The following SV2C variants were observed in gnomAD, a reference collection of about 807,000 sequenced individuals.
SV2C encodes the protein solute carrier family 22 member B3.
In SV2C, 49 loss-of-function variants were observed where a neutral mutation model predicts 79.7. That is an observed-to-expected ratio of 0.61 (90% CI 0.49 to 0.78). The LOEUF (loss-of-function observed/expected upper bound fraction) is 0.78, where lower values mean the gene tolerates loss of function less well. Ranked by LOEUF, SV2C falls within the 30% of genes least tolerant of loss-of-function variation. The pLI is 0.00. For missense variants in SV2C, 833 were observed against 912.9 expected, an observed-to-expected ratio of 0.91 and a Z score of 1.13; for synonymous variants, 334 against 333.2, an observed-to-expected ratio of 1.00 and a Z score of -0.03.
At chr5:75,876,551 G>A in the SV2C span, among the ~76,000 whole-genome samples, 1 of 151,980 alleles carries the variant, frequency 6.6e-6, no homozygotes, top group African/African-American at 2.4e-5. Flanking sequence ...AAACCTTCAC[G>A]TGTACCCTCA....
intron 2 of SV2C, among the ~76,000 whole-genome samples, chr5:76,168,504 G>GA (rs1743111005): frequency 6.6e-6 from 1 of 152,086 alleles, no homozygotes; most frequent in Non-Finnish European, 1.5e-5. Flanking sequence ...ATAAAATTCT[G>GA]AATCTCCTTT....
chr5:75,991,723 T>C, the SV2C span, among the ~76,000 whole-genome samples: 1 of 151,144 alleles, frequency 6.6e-6, no homozygotes, highest in African/African-American at 2.4e-5. Context: ...TGCAAAACCA[T>C]CAATTAATCT....
At chr5:76,293,312 A>T (rs1747623934) in intron 8 of SV2C, among the ~76,000 whole-genome samples, 1 of 152,206 alleles carries the variant, frequency 6.6e-6, no homozygotes, top group Admixed American at 6.5e-5. Context: ...GCAAGAAGGA[A>T]GTCCTGCTGT....
intron 2 of SV2C, among the ~76,000 whole-genome samples, chr5:76,156,239 T>C (rs985929927): frequency 1.2e-4 from 18 of 152,056 alleles, no homozygotes; most frequent in Admixed American, 5.9e-4. Flanking sequence ...GGGAAAGAGA[T>C]AGTGAAACAG....
chr5:76,311,078 T>G (rs1047249590), intron 12 of SV2C: 1 of 152,232 alleles, frequency 6.6e-6, no homozygotes, highest in African/African-American at 2.4e-5. Flanking sequence ...CTCAATGACA[T>G]TCATTGGACT....
chr5:75,967,802 C>T, the SV2C span, among the ~76,000 whole-genome samples: 2 of 152,222 alleles, frequency 1.3e-5, no homozygotes, highest in Non-Finnish European at 2.9e-5. Flanking sequence ...ATGTCCCTGT[C>T]TGACAGCTTT....
chr5:76,320,789 T>C (rs1748802171), intron 12 of SV2C, among the ~76,000 whole-genome samples: 1 of 152,182 alleles, frequency 6.6e-6, no homozygotes, highest in African/African-American at 2.4e-5. Context: ...ACTAGTCTCT[T>C]GCTTTAAAAA....
Position 76,300,970 on chromosome 5 carries a change from C to T in SV2C, c.1840+38C>T, listed in dbSNP as rs778748151. 2.5e-6 allele frequency: 4 copies of T among 1,608,198 alleles called. No homozygotes were observed. In the Admixed American group the frequency reaches 5.0e-5, roughly 20 times the overall value. On this transcript the variant is annotated intron_variant, in intron 11 of 12. Coordinates refer to ENST00000502798, the MANE Select transcript of SV2C (RefSeq NM_014979.4). ...TTTCATGTCAAATAAAAGAGCTGCC[C>T]CTGCAATCCAGAGGGACCCTGTTTC...
At chr5:76,152,457 C>A in intron 2 of SV2C, among the ~76,000 whole-genome samples, 1 of 152,134 alleles carries the variant, frequency 6.6e-6, no homozygotes, top group Non-Finnish European at 1.5e-5. Context: ...ATAGGAGATA[C>A]GTTGGCAAAA....
chr5:75,899,744 G>A, the SV2C span, among the ~76,000 whole-genome samples: 1,020 of 152,240 alleles, frequency 6.7e-3, 3 homozygotes, highest in African/African-American at 9.9e-3. Flanking sequence ...ATGAATCTGG[G>A]TGCTCCTGTA....
intron 4 of SV2C, among the ~76,000 whole-genome samples, chr5:76,274,411 G>C (rs747089728): frequency 4.6e-5 from 7 of 151,772 alleles, no homozygotes; most frequent in Non-Finnish European, 8.8e-5. Context: ...TTTCCTCCTA[G>C]TCATTTTCTA....
At chr5:76,281,555 G>T (rs1404556073) in intron 4 of SV2C, among the ~76,000 whole-genome samples, 2 of 152,156 alleles carry the variant, frequency 1.3e-5, no homozygotes, top group African/African-American at 2.4e-5. Flanking sequence ...AAGCATGTTG[G>T]CTTTAAACAA....
intron 2 of SV2C, among the ~76,000 whole-genome samples, chr5:76,147,340 T>C (rs1263534654): frequency 6.6e-6 from 1 of 152,196 alleles, no homozygotes; most frequent in Non-Finnish European, 1.5e-5. Context: ...GAGGAGATCC[T>C]GGGACTGGCA....
At chr5:76,185,302 G>A (rs1743878805) in intron 2 of SV2C, among the ~76,000 whole-genome samples, 1 of 152,194 alleles carries the variant, frequency 6.6e-6, no homozygotes, top group South Asian at 2.1e-4. Flanking sequence ...GCAAGCTGTT[G>A]GCAGATCTAC....
Position 76,099,516 on chromosome 5 carries a change from G to T in SV2C, c.-102+16004G>T, listed in dbSNP as rs546108733. 7.9e-5 allele frequency among the ~76,000 whole-genome samples: 12 copies of T among 152,026 alleles called. No homozygotes were observed. The South Asian group carries it at 2.5e-3, about 32-fold the overall frequency. ...CACACTGTACTTTTCTGCTTATAAG[G>T]GTTTCCTTCTCTCTCAGGATAACCA... On this transcript the variant is annotated intron_variant, in intron 1 of 12. Coordinates refer to ENST00000502798, the MANE Select transcript of SV2C (RefSeq NM_014979.4).
the SV2C span, among the ~76,000 whole-genome samples, chr5:75,851,741 C>G: frequency 6.6e-6 from 1 of 152,130 alleles, no homozygotes; most frequent in East Asian, 1.9e-4. Flanking sequence ...CCCGGGTTCA[C>G]GCCATTCTGC....
the SV2C span, among the ~76,000 whole-genome samples, chr5:75,871,834 TACACACACAC>T: frequency 8.4e-6 from 1 of 118,856 alleles, no homozygotes; most frequent in Non-Finnish European, 1.8e-5. Flanking sequence ...TATATATATA[TACACACACAC>T]ACACACACAC....
intron 2 of SV2C, among the ~76,000 whole-genome samples, chr5:76,149,419 T>G (rs1051412569): frequency 6.6e-6 from 1 of 152,210 alleles, no homozygotes; most frequent in Non-Finnish European, 1.5e-5. Flanking sequence ...AGGTTCTGCA[T>G]GCCAACAACC....
the SV2C span, among the ~76,000 whole-genome samples, chr5:75,942,482 C>G: frequency 1.3e-5 from 2 of 152,166 alleles, no homozygotes; most frequent in African/African-American, 2.4e-5. Context: ...AACCAGGAAA[C>G]AGAAAAGACT....
Sources: allele counts gnomAD v4.1 joint callset (sites outside exome capture counted in the v4.1 genomes callset), GRCh38; gene constraint gnomAD v4.1.1; transcripts MANE v1.5; gene names NCBI Gene and HGNC (gene_info 2026-07-23, HGNC 2026-07-21).